Variants in DCTN2 observed in about 807,000 individuals in gnomAD.
DCTN2 encodes dynactin subunit 2, also known as 50 kDa dynein-associated polypeptide.
In DCTN2, 18 loss-of-function variants were observed where a neutral mutation model predicts 55.4. That is an observed-to-expected ratio of 0.32 (90% CI 0.22 to 0.48). DCTN2 has a LOEUF of 0.48. Among genes scored for constraint, DCTN2 ranks in the 20% least tolerant of loss-of-function variants. The probability of loss-of-function intolerance (pLI) is 0.99; values close to 1 mark genes in which losing one functional copy is unlikely to be tolerated. For synonymous variants in DCTN2, 168 were observed against 185.2 expected (o/e 0.91, Z 0.76); for missense variants, 390 against 491.0 (o/e 0.79, Z 1.94).
chr12:57,537,366 A>G (rs1254125033), intron 2 of DCTN2, among the ~76,000 whole-genome samples: 2 of 150,692 alleles, frequency 1.3e-5, no homozygotes, highest in African/African-American at 2.4e-5. Context: ...AGAAAAGAAA[A>G]AAAAAAAAAA....
Position 57,530,111 on chromosome 12 carries a change from A to T in DCTN2, c.*578T>A, listed in dbSNP as rs576842116. On this transcript the variant is annotated 3_prime_UTR_variant, in exon 14 of 14. Coordinates refer to ENST00000548249, the MANE Select transcript of DCTN2 (RefSeq NM_001261413.2). ...CCTCCACTGCTTTTCTATGGGAGAC[A>T]CTCTTAATTTAACAGATGAGAATAT... The T allele has an allele frequency of 6.6e-6, 1 of 152,496 alleles. No individual in the cohort carries two copies. The highest frequency in any genetic ancestry group is 1.9e-4 in the East Asian group (1 of 5,180). 9.4% of individuals were successfully genotyped at this position (152,496 alleles called of 1,614,324 possible). A position where few individuals can be genotyped will look rare whatever the true frequency, so the allele number is the denominator to read the frequency against.
At chr12:57,546,499 G>A (rs1018377162) in intron 1 of DCTN2, among the ~76,000 whole-genome samples, 2 of 152,134 alleles carry the variant, frequency 1.3e-5, no homozygotes, top group Non-Finnish European at 2.9e-5. Context: ...CCCTCACCTT[G>A]AGAAGCAGGC....
chr12:57,534,164 T>C, intron 6 of DCTN2, 67 bp from the exon 7 acceptor site: 1 of 1,531,972 alleles, frequency 6.5e-7, no homozygotes, highest in Non-Finnish European at 8.8e-7. Flanking sequence ...TCCCTCACTT[T>C]TGCCTCATAA....
chr12:57,531,717 GA>G (rs1178485633), intron 13 of DCTN2, among the ~76,000 whole-genome samples: 7 of 152,154 alleles, frequency 4.6e-5, no homozygotes, highest in Non-Finnish European at 1.0e-4. Flanking sequence ...ACGACAAAGG[GA>G]AAGAGTGGGG....
chr12:57,541,892 G>A (rs1880724606), intron 2 of DCTN2, among the ~76,000 whole-genome samples: 1 of 152,226 alleles, frequency 6.6e-6, no homozygotes, highest in African/African-American at 2.4e-5. Context: ...GATTGAGGAG[G>A]AAAGGGCTAC....
chr12:57,544,966 GAGAAGGTGTTTCCCACAATGTA>G (rs1881024868), intron 2 of DCTN2, among the ~76,000 whole-genome samples: 1 of 152,224 alleles, frequency 6.6e-6, no homozygotes, highest in South Asian at 2.1e-4. Context: ...AGAAGGGACA[GAGAAGGTGTTTCCCACAATGTA>G]AGAACCACTT....
chr12:57,544,102 A>G (rs781458463), intron 2 of DCTN2: 5 of 449,354 alleles, frequency 1.1e-5, no homozygotes, highest in African/African-American at 4.0e-5. Flanking sequence ...TCTATTCATT[A>G]TCTCACCATG....
chr12:57,542,745 G>T, intron 2 of DCTN2: 3 of 452,198 alleles, frequency 6.6e-6, no homozygotes, highest in Non-Finnish European at 1.3e-5. Context: ...CTTGAACCGG[G>T]GAGGCAAAGG....
At chr12:57,531,890 C>G (rs1029435943) in intron 13 of DCTN2, 125 bp downstream of exon 13, 9 of 1,403,616 alleles carry the variant, frequency 6.4e-6, no homozygotes, top group Non-Finnish European at 8.7e-6. Context: ...AGGATGGAGA[C>G]TCCAGACCAA....
At chr12:57,538,673 CA>C in intron 2 of DCTN2, 2 of 634,468 alleles carry the variant, frequency 3.2e-6, no homozygotes, top group Non-Finnish European at 5.8e-6. Context: ...CACTGCACCA[CA>C]GGGCCCCAGG....
intron 2 of DCTN2, chr12:57,542,747 AGGCAAAGGTT>A: frequency 2.2e-6 from 1 of 452,130 alleles, no homozygotes; most frequent in Non-Finnish European, 4.5e-6. Context: ...TGAACCGGGG[AGGCAAAGGTT>A]GCAGTGAGAC....
chr12:57,538,704 G>C, intron 2 of DCTN2: 2 of 588,326 alleles, frequency 3.4e-6, no homozygotes, highest in East Asian at 5.8e-5. Context: ...CGAAATTTAG[G>C]GGCCAAGAAA....
In DCTN2 at chr12:57,532,023, A is replaced by G; in HGVS notation, c.1111T>C (p.Leu371=). ...ANSLKDNTTL[L]TQVQTTMREN... is the part of the protein sequence containing the mutation. ...AACAAAGGGGCACACACCTGGGTCAAGAGGGTGGTATTGTCCTTCAAGGAA... is the reference window on the plus strand; with the variant it reads ...AACAAAGGGGCACACACCTGGGTCAGGAGGGTGGTATTGTCCTTCAAGGAA... Residue 371 remains leucine, a synonymous_variant, in exon 13 of 14, where the codon TTG becomes CTG. Coordinates refer to ENST00000548249, the MANE Select transcript of DCTN2 (RefSeq NM_001261413.2). 1 of 1,561,212 alleles carries G rather than the reference A, an allele frequency of 6.4e-7. No homozygotes were observed. Among genetic ancestry groups the G allele is most frequent in the Non-Finnish European group, 8.7e-7 (1 of 1,152,068 alleles).
chr12:57,531,500 G>A (rs1555173067), intron 13 of DCTN2, among the ~76,000 whole-genome samples: 2 of 152,202 alleles, frequency 1.3e-5, no homozygotes, highest in Non-Finnish European at 2.9e-5. Flanking sequence ...CTGGGCAACA[G>A]AGCGAGACTC....
intron 2 of DCTN2, chr12:57,536,067 A>C (rs1333419212): frequency 1.8e-6 from 1 of 562,176 alleles, no homozygotes; most frequent in Non-Finnish European, 3.2e-6. Flanking sequence ...CCCTCATTCA[A>C]CTGGGAGCAG....
intron 2 of DCTN2, among the ~76,000 whole-genome samples, chr12:57,537,204 C>G (rs1209628658): frequency 6.6e-6 from 1 of 151,308 alleles, no homozygotes; most frequent in Non-Finnish European, 1.5e-5. Flanking sequence ...TATTGTGGCA[C>G]GTGCCTGTGG....
chr12:57,538,456 G>T, intron 2 of DCTN2: 2 of 748,718 alleles, frequency 2.7e-6, no homozygotes, highest in East Asian at 2.5e-5. Flanking sequence ...CTAAAGGACA[G>T]AGAAACAACT....
intron 2 of DCTN2, chr12:57,541,252 GAC>G (rs1880664760): frequency 1.4e-5 from 19 of 1,317,120 alleles, no homozygotes; most frequent in Non-Finnish European, 2.0e-5. Flanking sequence ...CCCAGCCAGG[GAC>G]TCACTGGAAT....
chr12:57,532,062 G>C lies in DCTN2; in HGVS notation c.1072C>G (p.Gln358Glu). 6.4e-7 allele frequency: 1 copy of C among 1,566,424 alleles called. No homozygotes were observed. Among genetic ancestry groups the C allele is most frequent in the Non-Finnish European group, 8.7e-7 (1 of 1,154,740 alleles). ...QLLTHLDTTQ[Q>E]MIANSLKDNT... Reference sequence around the variant, plus strand: ...TCCTTCAAGGAATTAGCAATCATCTGCTGGGTGGTATCCAAGTGTGTCAGG... The same window carrying C: ...TCCTTCAAGGAATTAGCAATCATCTCCTGGGTGGTATCCAAGTGTGTCAGG... Residue 358 changes from glutamine to glutamate, a missense_variant, in exon 13 of 14, where the codon CAG (glutamine) becomes GAG (glutamate). Gln to Glu is a conservative substitution (Grantham distance 29). Coordinates refer to ENST00000548249, the MANE Select transcript of DCTN2 (RefSeq NM_001261413.2).
Sources: gnomAD v4.1 joint callset for allele counts (sites outside exome capture counted in the v4.1 genomes callset) on GRCh38, gnomAD v4.1.1 for gene constraint, MANE v1.5 for transcripts, NCBI Gene and HGNC (gene_info 2026-07-23, HGNC 2026-07-21) for gene names.